The following UBTD2 variants were observed in gnomAD, a reference collection of about 807,000 sequenced individuals.
The protein encoded by UBTD2 is ubiquitin domain containing 2.
UBTD2 carries 9 observed loss-of-function variants against 19.8 expected under a neutral mutation model. The ratio of observed to expected loss-of-function variants is 0.46; its 90% CI spans 0.27 to 0.79. UBTD2 has a LOEUF of 0.79. Among genes scored for constraint, UBTD2 ranks in the 30% least tolerant of loss-of-function variants. The pLI is 0.14. For missense variants in UBTD2, 250 were observed against 300.4 expected (o/e 0.83, Z 1.24); for synonymous variants, 98 against 103.9 (o/e 0.94, Z 0.35).
chr5:172,223,195 G>C (rs942934727), intron 2 of UBTD2, among the ~76,000 whole-genome samples: 12 of 152,238 alleles, frequency 7.9e-5, no homozygotes, highest in African/African-American at 2.4e-4. Context: ...ATTGTTCCAG[G>C]TTCCATGAGA....
intron 1 of UBTD2, among the ~76,000 whole-genome samples, chr5:172,275,551 T>C (rs184699456): frequency 2.0e-5 from 3 of 152,352 alleles, no homozygotes; most frequent in Non-Finnish European, 4.4e-5. Context: ...GTGTCAGGCC[T>C]GATTAGAGGT....
chr5:172,231,751 A>T (rs1771905000), intron 2 of UBTD2, among the ~76,000 whole-genome samples: 1 of 152,218 alleles, frequency 6.6e-6, no homozygotes, highest in African/African-American at 2.4e-5. Context: ...TATAAAACAT[A>T]TATTTTCCTT....
Position 172,212,050 on chromosome 5 carries a change from T to C in UBTD2, c.485A>G (p.Lys162Arg). ...CQLRLRLSTG[K>R]DLKLVVRSTD... ...GCTGCGAACCACAAGCTTGAGGTCTTTGCCTGTGGAAAGGCGCAAACGAAG... is the reference window on the plus strand; with the variant it reads ...GCTGCGAACCACAAGCTTGAGGTCTCTGCCTGTGGAAAGGCGCAAACGAAG... The change falls in exon 3 of 3, where the codon AAA (lysine) becomes AGA (arginine). Residue 162 changes from lysine to arginine, a missense_variant. By Grantham distance (26) the Lys-to-Arg change is conservative (BLOSUM62 2). Transcript: ENST00000393792. 1.2e-6 allele frequency: 2 copies of C among 1,614,248 alleles called. No individual in the cohort carries two copies. Among genetic ancestry groups the C allele is most frequent in the Admixed American group, 1.7e-5 (1 of 60,034 alleles).
At chr5:172,270,186 T>C (rs1037405182) in intron 1 of UBTD2, among the ~76,000 whole-genome samples, 4 of 151,570 alleles carry the variant, frequency 2.6e-5, no homozygotes, top group Non-Finnish European at 5.9e-5. Context: ...CTCAAACAGA[T>C]CCTCCCATCT....
chr5:172,221,520 A>G (rs543772282), intron 2 of UBTD2, among the ~76,000 whole-genome samples: 3 of 152,240 alleles, frequency 2.0e-5, no homozygotes, highest in Non-Finnish European at 4.4e-5. Flanking sequence ...TAATAAAATA[A>G]ATAAGTGAGC....
At chr5:172,263,577 G>A (rs1216312721) in intron 1 of UBTD2, among the ~76,000 whole-genome samples, 8 of 152,030 alleles carry the variant, frequency 5.3e-5, no homozygotes, top group Non-Finnish European at 7.4e-5. Context: ...GGCGGATCAC[G>A]AGGTCAGGAG....
intron 1 of UBTD2, among the ~76,000 whole-genome samples, chr5:172,259,955 A>G (rs1561863324): frequency 6.6e-6 from 1 of 152,112 alleles, no homozygotes; most frequent in African/African-American, 2.4e-5. Flanking sequence ...CGGGAGGCTG[A>G]GGCAGGAGAA....
chr5:172,238,925 G>GT (rs568151396), intron 1 of UBTD2, among the ~76,000 whole-genome samples: 203 of 152,220 alleles, frequency 1.3e-3, no homozygotes, highest in Non-Finnish European at 2.2e-3. Context: ...AGACAATAGC[G>GT]TGAGGGGAAA....
intron 1 of UBTD2, among the ~76,000 whole-genome samples, chr5:172,242,163 G>A (rs1321625660): frequency 6.6e-6 from 1 of 151,132 alleles, no homozygotes; most frequent in African/African-American, 2.4e-5. Flanking sequence ...AACAGGAACA[G>A]AGGCCAGTGC....
At chr5:172,266,938 G>A (rs1197711571) in intron 1 of UBTD2, among the ~76,000 whole-genome samples, 1 of 151,822 alleles carries the variant, frequency 6.6e-6, no homozygotes, top group East Asian at 1.9e-4. Flanking sequence ...TACCCCAGAG[G>A]CTGCCTGAGG....
chr5:172,218,290 A>T (rs530248292), intron 2 of UBTD2, among the ~76,000 whole-genome samples: 86 of 152,306 alleles, frequency 5.6e-4, no homozygotes, highest in Non-Finnish European at 1.1e-3. Context: ...AAGGAAAACA[A>T]CTTATAATGT....
chr5:172,257,037 T>C (rs1451145764), intron 1 of UBTD2, among the ~76,000 whole-genome samples: 1 of 152,218 alleles, frequency 6.6e-6, no homozygotes, highest in South Asian at 2.1e-4. Context: ...GTTTGTTACG[T>C]GGGTAAATTG....
intron 1 of UBTD2, among the ~76,000 whole-genome samples, chr5:172,265,644 T>C (rs1443360760): frequency 6.6e-6 from 1 of 152,056 alleles, no homozygotes; most frequent in African/African-American, 2.4e-5. Flanking sequence ...GTAGTAAACT[T>C]TTCATTCTCC....
intron 1 of UBTD2, among the ~76,000 whole-genome samples, chr5:172,277,269 A>G (rs1339516184): frequency 6.6e-6 from 1 of 152,138 alleles, no homozygotes; most frequent in Non-Finnish European, 1.5e-5. Context: ...TTGTTGAGAA[A>G]GCAAATGTTA....
chr5:172,237,873 C>A (rs907902495), intron 1 of UBTD2, among the ~76,000 whole-genome samples: 2 of 152,170 alleles, frequency 1.3e-5, no homozygotes, highest in Non-Finnish European at 2.9e-5. Context: ...AGTCCTTTGG[C>A]AAAAATATAC....
At chr5:172,244,506 C>CAG (rs1561857869) in intron 1 of UBTD2, among the ~76,000 whole-genome samples, 1 of 150,892 alleles carries the variant, frequency 6.6e-6, no homozygotes, top group African/African-American at 2.4e-5. Flanking sequence ...CCATGCTGGT[C>CAG]AGGTTGGTCT....
chr5:172,254,256 C>T lies in UBTD2; in HGVS notation c.71-19898G>A, dbSNP rs139211133. On this transcript the variant is annotated intron_variant, in intron 1 of 2. Transcript: ENST00000393792. ...CTGGGATTACAGGTATCCGCCACCA[C>T]GCCCGGTTAATTTTTGTATTTTTAG... Among the ~76,000 whole-genome samples the T allele has an allele frequency of 4.5e-3, 681 of 152,202 alleles. 4 individuals are homozygous for T. The highest frequency in any genetic ancestry group is 0.016 in the African/African-American group (657 of 41,506).
chr5:172,241,570 T>C (rs1772127918), intron 1 of UBTD2, among the ~76,000 whole-genome samples: 1 of 152,098 alleles, frequency 6.6e-6, no homozygotes, highest in Non-Finnish European at 1.5e-5. Flanking sequence ...AACCTGTAAT[T>C]AGATATAATT....
chr5:172,254,024 A>G (rs1250432198), intron 1 of UBTD2, among the ~76,000 whole-genome samples: 2 of 152,206 alleles, frequency 1.3e-5, no homozygotes, highest in Non-Finnish European at 2.9e-5. Context: ...AAGTTCAGAG[A>G]TTCAGACCGG....
Sources: gnomAD v4.1 joint callset for allele counts (sites outside exome capture counted in the v4.1 genomes callset) on GRCh38, gnomAD v4.1.1 for gene constraint, MANE v1.5 for transcripts, NCBI Gene and HGNC (gene_info 2026-07-23, HGNC 2026-07-21) for gene names.